Variants in XDH observed in about 807,000 individuals in gnomAD.
XDH encodes xanthine dehydrogenase/oxidase.
A neutral mutation model predicts 156.1 loss-of-function variants in XDH; 138 were observed. The ratio of observed to expected loss-of-function variants is 0.88; its 90% confidence interval spans 0.77 to 1.02. The LOEUF is 1.02. Ranked by LOEUF, XDH falls within the 50% of genes least tolerant of loss-of-function variation. XDH has a pLI of 0.00. For synonymous variants in XDH, 669 were observed against 625.7 expected (o/e 1.07, Z -1.03); for missense variants, 1,849 against 1,684.9 (o/e 1.10, Z -1.71).
chr2:31,347,437 C>T (rs1685329739), intron 29 of XDH, 85 bp downstream of exon 29: 2 of 1,593,872 alleles, frequency 1.3e-6, no homozygotes, highest in Admixed American at 1.7e-5. Context: ...TGCAAGGAAC[C>T]CTTCTAGCTC....
At position 31,368,045 on chromosome 2, in the gene XDH, T is replaced by C; in HGVS notation, c.2113A>G (p.Asn705Asp). The C allele has an allele frequency of 1.2e-6, 2 of 1,614,152 alleles. No individual in the cohort carries two copies. The highest frequency in any genetic ancestry group is 1.1e-5 in the South Asian group (1 of 91,084). Residue 705 changes from asparagine to aspartate, a missense_variant, in exon 20 of 36, where the codon AAC becomes GAC. Asn to Asp is a conservative substitution (Grantham distance 23). Coordinates refer to ENST00000379416, the MANE Select transcript of XDH (RefSeq NM_000379.4). ...AGCTCAGGTCCATAAAAGGAGTTGTTCTTTATAGCATCCTGAGGATCACAA... is the reference window on the plus strand; with the variant it reads ...AGCTCAGGTCCATAAAAGGAGTTGTCCTTTATAGCATCCTGAGGATCACAA... ...AIITIEDAIK[N>D]NSFYGPELKI... is the part of the protein sequence containing the mutation.
intron 1 of XDH, among the ~76,000 whole-genome samples, chr2:31,407,288 C>G (rs1163321361): frequency 6.6e-6 from 1 of 152,138 alleles, no homozygotes; most frequent in African/African-American, 2.4e-5. Context: ...CCTCATTAAA[C>G]TTAAGTTGGA....
chr2:31,359,700 G>C (rs191074134), intron 24 of XDH, among the ~76,000 whole-genome samples: 1 of 152,176 alleles, frequency 6.6e-6, no homozygotes, highest in East Asian at 1.9e-4. Flanking sequence ...GTGTGGTGGG[G>C]AATTGAGAGG....
rs746941389 is a variant in XDH at position 31,337,824 on chromosome 2, A to G, written c.3775-7T>C. On this transcript the variant is annotated splice_polypyrimidine_tract_variant and splice_region_variant and intron_variant, in intron 34 of 35. Transcript: ENST00000379416. ...GGGGCGGCTCTCCAACAGCCTGAAC[A>G]CAGACAGGGCACAGGGCAGGGGCTC... is the stretch of plus-strand genomic sequence containing the variant. The G allele has an allele frequency of 1.2e-6, 2 of 1,613,896 alleles. No individual in the cohort carries two copies. Among genetic ancestry groups the G allele is most frequent in the Non-Finnish European group, 1.7e-6 (2 of 1,179,930 alleles).
At chr2:31,392,645 G>T (rs554933742) in intron 6 of XDH, among the ~76,000 whole-genome samples, 1 of 152,074 alleles carries the variant, frequency 6.6e-6, no homozygotes, top group South Asian at 2.1e-4. Context: ...GGCTGGTCTT[G>T]AACTCCTGAC....
chr2:31,341,431 G>C (rs1446699384), intron 32 of XDH, 37 bp from the exon 33 acceptor site: 1 of 1,550,232 alleles, frequency 6.5e-7, no homozygotes, highest in Non-Finnish European at 8.7e-7. Flanking sequence ...AGTTAGAGGA[G>C]GAAAAGATGT....
chr2:31,384,293 G>A, intron 9 of XDH: 1 of 181,996 alleles, frequency 5.5e-6, no homozygotes. Context: ...AAGAAGCTGA[G>A]GCACAGAAAA....
chr2:31,364,444 G>A (rs752737439), intron 23 of XDH, among the ~76,000 whole-genome samples, 200 bp from the exon 24 acceptor site: 2 of 151,898 alleles, frequency 1.3e-5, no homozygotes, highest in African/African-American at 4.8e-5. Context: ...CTCCCCAGTG[G>A]CACACACTTG....
In XDH at chr2:31,398,652, AG is replaced by A. The variant is rs1558313812; in HGVS notation, c.353del (p.Pro118LeufsTer5). ...SHGSQCGFCT[P>X]GIVMSMYTLL... Reference sequence around the variant, plus strand: ...GTGTGTACATACTCATGACGATGCCAGGGGTGCAGAACCCGCACTGGGAGCC... The same window carrying A: ...GTGTGTACATACTCATGACGATGCCAGGGTGCAGAACCCGCACTGGGAGCC... On this transcript the variant is annotated frameshift_variant, in exon 5 of 36. Coordinates refer to ENST00000379416, the MANE Select transcript of XDH (RefSeq NM_000379.4). LOFTEE classifies it high-confidence loss of function. 1 of 1,614,126 alleles carries A rather than the reference AG, an allele frequency of 6.2e-7. No individual in the cohort carries two copies.
intron 35 of XDH, 100 bp downstream of exon 35, chr2:31,337,541 G>C: frequency 6.3e-7 from 1 of 1,577,886 alleles, no homozygotes; most frequent in Non-Finnish European, 8.7e-7. Context: ...CCGGTTAGGA[G>C]AGAGCCCAAC....
At chr2:31,375,294 G>C (rs985819370) in intron 15 of XDH, 86 bp downstream of exon 15, 2 of 1,557,588 alleles carry the variant, frequency 1.3e-6, no homozygotes, top group African/African-American at 2.7e-5. Flanking sequence ...ATGTCCAGAG[G>C]AGAGGAGCAA....
In XDH at chr2:31,350,121, A is replaced by C; in HGVS notation, c.2734T>G (p.Phe912Val). 1 of 1,614,228 alleles carries C rather than the reference A, an allele frequency of 6.2e-7. No homozygotes were observed. Among genetic ancestry groups the C allele is most frequent in the Non-Finnish European group, 8.5e-7 (1 of 1,180,042 alleles). The change falls in exon 25 of 36, where the codon TTC (phenylalanine) becomes GTC (valine). Residue 912 changes from phenylalanine to valine, a missense_variant. Coordinates refer to ENST00000379416, the MANE Select transcript of XDH (RefSeq NM_000379.4). Reference sequence around the variant, plus strand: ...CCCTGGGGCCCCCCAAAGCCCCGGAAGGCCGTGTTGGAGGGAAGGTTGGTT... The same window carrying C: ...CCCTGGGGCCCCCCAAAGCCCCGGACGGCCGTGTTGGAGGGAAGGTTGGTT... ...CKTNLPSNTAFRGFGGPQGML... is the reference protein window; with the variant it reads ...CKTNLPSNTAVRGFGGPQGML...
chr2:31,397,702 C>T lies in XDH; in HGVS notation c.461G>A (p.Arg154Lys). Residue 154 changes from arginine (R) to lysine (K), a missense_variant, in exon 6 of 36, where the codon AGA (arginine) becomes AAA (lysine). By Grantham distance (26) the Arg-to-Lys change is conservative. Coordinates refer to ENST00000379416, the MANE Select transcript of XDH (RefSeq NM_000379.4). Reference sequence around the variant, plus strand: ...GGTCCGGAAGCCCTGGAGGATGGGTCTGTAGCCTGTGCAGCGGCACAGATT... The same window carrying T: ...GGTCCGGAAGCCCTGGAGGATGGGTTTGTAGCCTGTGCAGCGGCACAGATT... Reference protein sequence around the residue: ...QGNLCRCTGYRPILQGFRTFA... With the variant: ...QGNLCRCTGYKPILQGFRTFA... The T allele has an allele frequency of 6.2e-7, 1 of 1,614,226 alleles. No individual in the cohort carries two copies. The highest frequency in any genetic ancestry group is 8.5e-7 in the Non-Finnish European group (1 of 1,180,038).
At chr2:31,372,042 T>C (rs574064398) in intron 17 of XDH, among the ~76,000 whole-genome samples, 186 bp downstream of exon 17, 30 of 152,330 alleles carry the variant, frequency 2.0e-4, no homozygotes, top group Admixed American at 7.8e-4. Flanking sequence ...AGTTTCCTCA[T>C]CTGGAACAGA....
In XDH at chr2:31,347,510, T is replaced by C. The variant is rs1366813; in HGVS notation, c.3276+12A>G. ...TGGCCCTCTGCTCTGCGGGATCCCA[T>C]GGGCTCCTTACATAGACGGCCTGTC... On this transcript the variant is annotated intron_variant, in intron 29 of 35. Coordinates refer to ENST00000379416, the MANE Select transcript of XDH (RefSeq NM_000379.4). 0.77 allele frequency: 1,239,095 copies of C among 1,613,232 alleles called. 476,581 individuals carry two copies. The highest frequency in any genetic ancestry group is 0.86 in the East Asian group (38,376 of 44,850).
At chr2:31,350,646 T>G (rs1356616890) in intron 24 of XDH, among the ~76,000 whole-genome samples, 5 of 152,168 alleles carry the variant, frequency 3.3e-5, no homozygotes, top group Non-Finnish European at 7.3e-5. Context: ...AGTGCTGGGA[T>G]TACAGGCATG....
At chr2:31,372,418 A>G (rs755450296) in intron 16 of XDH, 21 bp from the exon 17 acceptor site, 5 of 1,613,806 alleles carry the variant, frequency 3.1e-6, no homozygotes, top group Non-Finnish European at 4.2e-6. Context: ...AGGGTCATCA[A>G]TCAGGGTGAG....
At position 31,360,468 on chromosome 2, in the gene XDH, T is replaced by C. The variant is rs373734349; in HGVS notation, c.2631+3690A>G. ...GTGAGCCAAGACTGCACCACTGCAC[T>C]CCAGCCTGGGTGACAGAGTGAGACT... On this transcript the variant is annotated intron_variant, in intron 24 of 35. Coordinates refer to ENST00000379416, the MANE Select transcript of XDH (RefSeq NM_000379.4). Among the ~76,000 whole-genome samples the C allele has an allele frequency of 4.6e-5, 7 of 152,250 alleles. No homozygotes were observed. The East Asian group carries it at 1.3e-3, about 29-fold the overall frequency.
chr2:31,387,355 G>C (rs938729376), intron 8 of XDH, among the ~76,000 whole-genome samples: 1 of 152,178 alleles, frequency 6.6e-6, no homozygotes, highest in African/African-American at 2.4e-5. Flanking sequence ...ACAGAGCTGT[G>C]AGCTGCAGAT....
Sources: gnomAD v4.1 joint callset for allele counts (sites outside exome capture counted in the v4.1 genomes callset) on GRCh38, gnomAD v4.1.1 for gene constraint, MANE v1.5 for transcripts, NCBI Gene and HGNC (gene_info 2026-07-23, HGNC 2026-07-21) for gene names.